The following ACSBG2 variants were observed in gnomAD, a reference collection of about 807,000 sequenced individuals.
ACSBG2 encodes the protein long-chain-fatty-acid--CoA ligase ACSBG2.
In ACSBG2, 62 loss-of-function variants were observed where a neutral mutation model predicts 74.7. The observed-to-expected ratio is 0.83, with a 90% confidence interval of 0.68 to 1.03. ACSBG2 has a LOEUF of 1.03. Among genes scored for constraint, ACSBG2 ranks in the 50% least tolerant of loss-of-function variants. The probability of loss-of-function intolerance (pLI) is 0.00; values close to 1 mark genes in which losing one functional copy is unlikely to be tolerated. For synonymous variants in ACSBG2, 309 were observed against 294.1 expected, an observed-to-expected ratio of 1.05 and a Z score of -0.52; for missense variants, 730 against 817.6, an observed-to-expected ratio of 0.89 and a Z score of 1.31.
At chr19:6,161,844 G>A (rs1002789605) in intron 6 of ACSBG2, among the ~76,000 whole-genome samples, 4 of 152,014 alleles carry the variant, frequency 2.6e-5, no homozygotes, top group Admixed American at 2.6e-4. Context: ...TTACTGCTGG[G>A]CAACAAATCA....
At chr19:6,139,125 T>A (rs987415640) in intron 1 of ACSBG2, among the ~76,000 whole-genome samples, 1 of 151,680 alleles carries the variant, frequency 6.6e-6, no homozygotes, top group Non-Finnish European at 1.5e-5. Context: ...TTTTGCTCTG[T>A]CACCCAGGCT....
intron 4 of ACSBG2, among the ~76,000 whole-genome samples, chr19:6,153,825 G>A (rs994746815): frequency 2.7e-5 from 4 of 148,932 alleles, no homozygotes; most frequent in African/African-American, 9.9e-5. Context: ...TCCAGCCTGG[G>A]CAACAGAGTG....
chr19:6,144,612 G>A lies in ACSBG2; in HGVS notation c.68-2834G>A, dbSNP rs1017919606. On this transcript the variant is annotated intron_variant, in intron 2 of 14. Coordinates refer to ENST00000588485, the MANE Select transcript of ACSBG2 (RefSeq NM_030924.5). The stretch of plus-strand genomic sequence containing the variant: ...TACATTTCTGTTGTTTCAGACACCC[G>A]GTCTGGGGCACTTTGTTATTGCAGT... 2.6e-5 allele frequency among the ~76,000 whole-genome samples: 4 copies of A among 152,238 alleles called. No homozygotes were observed. In the South Asian group the frequency reaches 8.3e-4, roughly 32 times the overall value.
Position 6,187,637 on chromosome 19 carries a change from G to A in ACSBG2, c.1719G>A (p.Lys573=), listed in dbSNP as rs991988137. Residue 573 remains lysine, a synonymous_variant, in exon 13 of 15, where the codon AAG becomes AAA. Transcript: ENST00000588485. Reference sequence around the variant, plus strand: ...AGATGAGCGGAGAACCTCTGGACAAGCTGAACTTCGAGGCCATCAACTTCT... The same window carrying A: ...AGATGAGCGGAGAACCTCTGGACAAACTGAACTTCGAGGCCATCAACTTCT... ...MNQMSGEPLD[K]LNFEAINFCR... is the part of the protein sequence containing the mutation. 4 of 1,613,972 alleles carry A rather than the reference G, an allele frequency of 2.5e-6. No individual in the cohort carries two copies. In the African/African-American group the frequency reaches 5.3e-5, roughly 22 times the overall value.
intron 10 of ACSBG2, among the ~76,000 whole-genome samples, chr19:6,184,871 A>AAAAAAAAAAAAG (rs2090361554): frequency 7.5e-6 from 1 of 134,026 alleles, no homozygotes; most frequent in Non-Finnish European, 1.6e-5. Context: ...AAAAAAAAAA[A>AAAAAAAAAAAAG]ACGAAAAACA....
chr19:6,138,568 A>G (rs2088676846), intron 1 of ACSBG2, among the ~76,000 whole-genome samples: 1 of 103,024 alleles, frequency 9.7e-6, no homozygotes. Context: ...GAAGGAAAGA[A>G]GGGAGGGAGG....
intron 11 of ACSBG2, among the ~76,000 whole-genome samples, chr19:6,186,994 G>C (rs902432918): frequency 6.7e-5 from 10 of 149,202 alleles, no homozygotes. Flanking sequence ...ACTGTGCCTG[G>C]CCACTAGGTT....
intron 3 of ACSBG2, chr19:6,148,230 C>T (rs2089113992): frequency 6.4e-6 from 1 of 156,594 alleles, no homozygotes; most frequent in Admixed American, 6.3e-5. Context: ...AGCTTACTTA[C>T]CTAGATGACT....
chr19:6,186,184 A>G (rs1225500513), intron 11 of ACSBG2, among the ~76,000 whole-genome samples: 2 of 152,136 alleles, frequency 1.3e-5, no homozygotes, highest in Non-Finnish European at 2.9e-5. Flanking sequence ...AAGAAAGTAT[A>G]GAACAAGGAT....
chr19:6,190,291 G>T, intron 13 of ACSBG2: 1 of 324,440 alleles, frequency 3.1e-6, no homozygotes, highest in South Asian at 3.4e-5. Context: ...GGGGATAGGG[G>T]TATGGTTTGA....
At chr19:6,162,604 A>G (rs1600076775) in intron 6 of ACSBG2, among the ~76,000 whole-genome samples, 1 of 148,806 alleles carries the variant, frequency 6.7e-6, no homozygotes, top group Admixed American at 6.7e-5. Context: ...AACTTTTTAG[A>G]GGTTCAAAGT....
rs56654001 is a variant in ACSBG2 at position 6,174,723 on chromosome 19, C to T, written c.739-2506C>T. 8.5e-5 allele frequency among the ~76,000 whole-genome samples: 13 copies of T among 152,144 alleles called. No individual in the cohort carries two copies. The highest frequency in any genetic ancestry group is 3.9e-4 in the East Asian group (2 of 5,168). ...AGCTACTCGGGAGGCTGAAGTGAGA[C>T]GATCCCTTGAGCCCAGGAGTTCGAG... On this transcript the variant is annotated intron_variant, in intron 7 of 14. Coordinates refer to ENST00000588485, the MANE Select transcript of ACSBG2 (RefSeq NM_030924.5). This position sits in a 1 kb window ranked among gnomAD's most constrained non-coding sequence, Gnocchi z 4.2.
Position 6,177,317 on chromosome 19 carries a change from T to G in ACSBG2, c.827T>G (p.Ile276Ser). The change falls in exon 8 of 15, where the codon ATT becomes AGT. Residue 276 changes from isoleucine to serine, a missense_variant. Coordinates refer to ENST00000588485, the MANE Select transcript of ACSBG2 (RefSeq NM_030924.5). ...TVVSYLPLSH[I>S]AAQMMDIWVP... ...GTTAGCTACCTCCCACTCAGCCATA[T>G]TGCAGCACAGATGATGGACATCTGG... 1 of 1,613,904 alleles carries G rather than the reference T, an allele frequency of 6.2e-7. No homozygotes were observed. Among genetic ancestry groups the G allele is most frequent in the Non-Finnish European group, 8.5e-7 (1 of 1,179,978 alleles).
rs2089471674 is a variant in ACSBG2 at position 6,157,724 on chromosome 19, C to T, written c.507+1173C>T. On this transcript the variant is annotated intron_variant, in intron 5 of 14. Coordinates refer to ENST00000588485, the MANE Select transcript of ACSBG2 (RefSeq NM_030924.5). The stretch of plus-strand genomic sequence containing the variant: ...GAGCCCCCATGCCCAACCTTAAGCC[C>T]CCACTTAAGTAAAAGTATTAATATA... 3.3e-5 allele frequency among the ~76,000 whole-genome samples: 5 copies of T among 151,904 alleles called. No individual in the cohort carries two copies. The South Asian group carries it at 1.0e-3, about 32-fold the overall frequency.
At chr19:6,153,896 G>GAA (rs1483004176) in intron 4 of ACSBG2, among the ~76,000 whole-genome samples, 30 of 135,224 alleles carry the variant, frequency 2.2e-4, no homozygotes, top group Non-Finnish European at 2.5e-4. Context: ...AAAGAAAAAA[G>GAA]AAAAGAAGGA....
rs142639100 is a variant in ACSBG2 at position 6,159,596 on chromosome 19, T to A, written c.508-1619T>A. Among the ~76,000 whole-genome samples the A allele has an allele frequency of 3.9e-3, 599 of 152,320 alleles. 2 individuals carry two copies. The highest frequency in any genetic ancestry group is 0.024 in the Middle Eastern group (7 of 294). Reference sequence around the variant, plus strand: ...GTTCCAGTTGCTAGGTCTAGAAGATTCAAAACCAGGTTCCTGACATGCTTC... The same window carrying A: ...GTTCCAGTTGCTAGGTCTAGAAGATACAAAACCAGGTTCCTGACATGCTTC... On this transcript the variant is annotated intron_variant, in intron 5 of 14. Transcript: ENST00000588485.
intron 4 of ACSBG2, among the ~76,000 whole-genome samples, chr19:6,152,579 G>A (rs1304767946): frequency 1.5e-5 from 2 of 135,514 alleles, no homozygotes; most frequent in East Asian, 2.1e-4. Flanking sequence ...TTGTAGAGAT[G>A]GTTTCTTGCT....
At chr19:6,156,680 C>A in intron 5 of ACSBG2, 129 bp downstream of exon 5, 1 of 976,818 alleles carries the variant, frequency 1.0e-6, no homozygotes, top group Non-Finnish European at 1.4e-6. Context: ...AGCGAGTCCT[C>A]CATGACCTCA....
In ACSBG2 at chr19:6,140,472, G is replaced by C. The variant is rs534072113; in HGVS notation, c.-31-1041G>C. 1.9e-3 allele frequency among the ~76,000 whole-genome samples: 293 copies of C among 152,296 alleles called. 1 individual carries two copies. The highest frequency in any genetic ancestry group is 3.3e-3 in the Non-Finnish European group (222 of 68,034). ...AGGCGGGCGGATCACTTGAGCTTGG[G>C]AGTTCGAAACCAACCTGGCTAATGT... On this transcript the variant is annotated intron_variant, in intron 1 of 14. Transcript: ENST00000588485.
Sources: gnomAD v4.1 joint callset for allele counts (sites outside exome capture counted in the v4.1 genomes callset) on GRCh38, gnomAD v4.1.1 for gene constraint, Gnocchi (gnomAD v3.1) non-coding constraint, MANE v1.5 for transcripts, NCBI Gene and HGNC (gene_info 2026-07-23, HGNC 2026-07-21) for gene names.